The following ODF2 variants were observed in gnomAD, a reference collection of about 807,000 sequenced individuals.
ODF2 encodes the protein outer dense fiber of sperm tails 2, also known as outer dense fiber protein 2.
Under a neutral mutation model 110.2 loss-of-function variants are expected in ODF2, and 47 were observed. That is an observed-to-expected ratio of 0.43 (90% CI 0.34 to 0.54). The LOEUF (loss-of-function observed/expected upper bound fraction) is 0.54, where lower values mean the gene tolerates loss of function less well. Ranked by LOEUF, ODF2 falls within the 20% of genes least tolerant of loss-of-function variation. ODF2 has a pLI of 0.03. For synonymous variants in ODF2, 352 were observed against 397.7 expected, an observed-to-expected ratio of 0.89 and a Z score of 1.37; for missense variants, 812 against 1,054.5, an observed-to-expected ratio of 0.77 and a Z score of 3.19.
intron 8 of ODF2, among the ~76,000 whole-genome samples, chr9:128,474,058 A>G (rs1840683768): frequency 6.6e-6 from 1 of 152,172 alleles, no homozygotes; most frequent in African/African-American, 2.4e-5. Flanking sequence ...TAAGAGAATG[A>G]TTAATGGCTG....
At chr9:128,496,958 G>A (rs1845656964) in intron 18 of ODF2, among the ~76,000 whole-genome samples, 1 of 152,038 alleles carries the variant, frequency 6.6e-6, no homozygotes, top group Non-Finnish European at 1.5e-5. Context: ...GAACTCCTGG[G>A]TTCAAGTGAT....
intron 4 of ODF2, among the ~76,000 whole-genome samples, chr9:128,465,854 A>G (rs1187998212): frequency 6.6e-6 from 1 of 151,756 alleles, no homozygotes; most frequent in African/African-American, 2.4e-5. Context: ...GTTGAAAAGT[A>G]CAGGCCCAGG....
exon 21 of ODF2, chr9:128,500,081 C>T (rs1177396554): frequency 1.2e-6 from 2 of 1,614,262 alleles, no homozygotes; most frequent in African/African-American, 1.3e-5. Flanking sequence ...ACCGCCGCTA[C>T]CAGAGCCGGC....
intron 18 of ODF2, 55 bp downstream of exon 18, chr9:128,496,196 C>G (rs1276417349): frequency 6.2e-7 from 1 of 1,609,410 alleles, no homozygotes; most frequent in African/African-American, 1.3e-5. Flanking sequence ...AGACTTTCAG[C>G]CACTTAGCTG....
chr9:128,484,518 G>A (rs1038591545), intron 11 of ODF2, among the ~76,000 whole-genome samples, 183 bp from the exon 12 acceptor site: 2 of 152,220 alleles, frequency 1.3e-5, no homozygotes, highest in Non-Finnish European at 2.9e-5. Flanking sequence ...GGGGAGCTGG[G>A]AGGGACTGTG....
intron 2 of ODF2, among the ~76,000 whole-genome samples, chr9:128,457,943 ATT>A (rs1181931486): frequency 0.14 from 19,577 of 140,362 alleles, 1,587 homozygotes; most frequent in East Asian, 0.29. Context: ...ATATATATAT[ATT>A]TTTTTTTTTT....
At chr9:128,459,704 A>AGCATTTTTAGC in intron 3 of ODF2, 47 bp downstream of exon 2, 1 of 1,487,664 alleles carries the variant, frequency 6.7e-7, no homozygotes, top group Non-Finnish European at 9.4e-7. Flanking sequence ...ACCTTGCTAA[A>AGCATTTTTAGC]AATGCTTTTG....
At chr9:128,457,097 G>A (rs922412381) in intron 1 of ODF2, 3 of 1,373,662 alleles carry the variant, frequency 2.2e-6, no homozygotes, top group Admixed American at 4.9e-5. Flanking sequence ...TGGGACCCGG[G>A]CGCGGTGGTC....
chr9:128,492,560 C>T (rs776768525), intron 15 of ODF2, 24 bp downstream of exon 15: 1 of 1,576,522 alleles, frequency 6.3e-7, no homozygotes, highest in South Asian at 1.1e-5. Context: ...GGGCCCTGGC[C>T]CTTCTGAGCA....
chr9:128,456,439 C>G, intron 1 of ODF2, 184 bp downstream of exon 1: 1 of 1,513,982 alleles, frequency 6.6e-7, no homozygotes, highest in Non-Finnish European at 8.8e-7. Context: ...CGCGGGGCCT[C>G]TCCTCCTCCC....
chr9:128,466,172 G>A (rs1478279472), intron 4 of ODF2, among the ~76,000 whole-genome samples: 2 of 147,692 alleles, frequency 1.4e-5, no homozygotes, highest in African/African-American at 2.5e-5. Context: ...AAAGAAAAAC[G>A]AAAAGAGGAC....
intron 4 of ODF2, among the ~76,000 whole-genome samples, chr9:128,468,130 C>T: frequency 6.6e-6 from 1 of 152,124 alleles, no homozygotes; most frequent in East Asian, 1.9e-4. Context: ...AAGAGCATTT[C>T]TTAATATCAT....
exon 16 of ODF2, chr9:128,492,742 G>T: frequency 6.2e-7 from 1 of 1,614,210 alleles, no homozygotes; most frequent in East Asian, 2.2e-5. Flanking sequence ...TAGCTGCCCA[G>T]CTAGAACGCT....
At chr9:128,465,835 A>G (rs556377363) in intron 4 of ODF2, among the ~76,000 whole-genome samples, 21 of 152,088 alleles carry the variant, frequency 1.4e-4, no homozygotes, top group African/African-American at 5.1e-4. Flanking sequence ...TTAAGTTTCA[A>G]AATTTCTTGT....
chr9:128,455,872 G>A (rs1329834271), upstream of ODF2: 2 of 1,080,914 alleles, frequency 1.9e-6, no homozygotes, highest in Non-Finnish European at 2.5e-6. Context: ...GGGAATCCGG[G>A]AGGATCCAAG....
intron 16 of ODF2, among the ~76,000 whole-genome samples, chr9:128,493,038 T>C (rs553459894): frequency 8.6e-5 from 13 of 151,190 alleles, no homozygotes; most frequent in South Asian, 4.2e-4. Context: ...TTTTTTTTTT[T>C]CTCTTGGTTT....
At chr9:128,499,082 A>C in exon 20 of ODF2, 1 of 1,614,206 alleles carries the variant, frequency 6.2e-7, no homozygotes, top group Non-Finnish European at 8.5e-7. Context: ...CCAGCTGAGC[A>C]GAACCAAAAC....
At chr9:128,487,148 C>G (rs1843523931) in intron 13 of ODF2, among the ~76,000 whole-genome samples, 1 of 152,114 alleles carries the variant, frequency 6.6e-6, no homozygotes. Context: ...GTGGCACCAG[C>G]ATAGCTCACT....
At chr9:128,491,677 CAAAT>C (rs1844592788) in intron 14 of ODF2, among the ~76,000 whole-genome samples, 2 of 151,542 alleles carry the variant, frequency 1.3e-5, no homozygotes, top group South Asian at 2.1e-4. Flanking sequence ...AAAAAATAAA[CAAAT>C]AAAAAGTATG....
Sources: gnomAD v4.1 joint callset for allele counts (sites outside exome capture counted in the v4.1 genomes callset) on GRCh38, gnomAD v4.1.1 for gene constraint, MANE v1.5 for transcripts, NCBI Gene and HGNC (gene_info 2026-07-23, HGNC 2026-07-21) for gene names.